Variants in CTNNA2 observed in about 807,000 individuals in gnomAD.
CTNNA2 encodes catenin alpha 2.
Under a neutral mutation model 101.0 loss-of-function variants are expected in CTNNA2, and 42 were observed. The observed-to-expected ratio is 0.42, with a 90% CI of 0.32 to 0.54. The LOEUF is 0.54. Among genes scored for constraint, CTNNA2 ranks in the 20% least tolerant of loss-of-function variants. The pLI is 0.14. For synonymous variants in CTNNA2, 450 were observed against 456.4 expected, an observed-to-expected ratio of 0.99 and a Z score of 0.18; for missense variants, 871 against 1,223.1, an observed-to-expected ratio of 0.71 and a Z score of 4.29.
intron 3 of CTNNA2, among the ~76,000 whole-genome samples, chr2:79,315,577 T>A (rs1417198734): frequency 6.6e-6 from 1 of 152,166 alleles, no homozygotes; most frequent in Non-Finnish European, 1.5e-5. Context: ...ATATCCATAT[T>A]TCATTCATTT....
chr2:80,122,741 G>A (rs946219166), intron 7 of CTNNA2, among the ~76,000 whole-genome samples: 1 of 152,088 alleles, frequency 6.6e-6, no homozygotes, highest in Non-Finnish European at 1.5e-5. Context: ...CTATGCAAAA[G>A]TGTGTGTGTG....
At chr2:79,468,973 G>C (rs436008) in intron 4 of CTNNA2, among the ~76,000 whole-genome samples, 1 of 151,548 alleles carries the variant, frequency 6.6e-6, no homozygotes, top group Admixed American at 6.6e-5. Flanking sequence ...GAAAGAACTA[G>C]AGAAGCAAGA....
At chr2:80,591,455 C>CTTTTTTTTTT (rs1553401282) in intron 15 of CTNNA2, among the ~76,000 whole-genome samples, 3 of 57,574 alleles carry the variant, frequency 5.2e-5, no homozygotes, top group African/African-American at 1.2e-4. Flanking sequence ...TCTGCACAGC[C>CTTTTTTTTTT]TGTTTTTTTT....
chr2:79,346,515 A>G (rs532471141), intron 3 of CTNNA2, among the ~76,000 whole-genome samples: 37 of 152,300 alleles, frequency 2.4e-4, no homozygotes, highest in African/African-American at 8.4e-4. Context: ...GTCAATAACT[A>G]GACACTATGG....
chr2:79,754,733 G>A (rs544036114), intron 3 of CTNNA2, among the ~76,000 whole-genome samples: 147 of 152,194 alleles, frequency 9.7e-4, no homozygotes, highest in African/African-American at 3.4e-3. Flanking sequence ...TGTGCTGTGC[G>A]CTGACTCTTC....
intron 2 of CTNNA2, among the ~76,000 whole-genome samples, chr2:79,704,235 T>TA (rs1368652155): frequency 1.3e-5 from 2 of 152,202 alleles, no homozygotes; most frequent in African/African-American, 4.8e-5. Flanking sequence ...GTTTATTGCC[T>TA]AGTGAATCTT....
intron 3 of CTNNA2, among the ~76,000 whole-genome samples, chr2:79,819,951 C>G (rs1364288627): frequency 6.6e-6 from 1 of 151,764 alleles, no homozygotes; most frequent in Non-Finnish European, 1.5e-5. Context: ...AATAAAATGA[C>G]AATGAAAACA....
chr2:79,500,524 G>T (rs1671307698), intron 4 of CTNNA2: 1 of 152,298 alleles, frequency 6.6e-6, no homozygotes, highest in East Asian at 1.9e-4. Flanking sequence ...AAAATTGAAA[G>T]ATTTTTCTAA....
intron 7 of CTNNA2, among the ~76,000 whole-genome samples, chr2:80,342,212 A>T (rs1672309447): frequency 6.6e-6 from 1 of 152,204 alleles, no homozygotes; most frequent in Admixed American, 6.5e-5. Context: ...CACAACTCTG[A>T]ACTCATTAAA....
intron 3 of CTNNA2, among the ~76,000 whole-genome samples, chr2:79,835,979 A>G (rs1006687360): frequency 6.6e-6 from 1 of 151,826 alleles, no homozygotes; most frequent in Non-Finnish European, 1.5e-5. Flanking sequence ...TGCACACCTC[A>G]GTTTTCACTG....
At chr2:80,589,666 T>G (rs1696265239) in intron 15 of CTNNA2, among the ~76,000 whole-genome samples, 181 bp downstream of exon 15, 1 of 152,212 alleles carries the variant, frequency 6.6e-6, no homozygotes, top group South Asian at 2.1e-4. Flanking sequence ...TAGGTATATC[T>G]TTTTGGTCAA....
chr2:79,559,409 T>C (rs1207702211), intron 1 of CTNNA2, among the ~76,000 whole-genome samples: 4 of 151,950 alleles, frequency 2.6e-5, no homozygotes, highest in Admixed American at 6.6e-5. Context: ...TTTTGCCATG[T>C]CTGAGAACCA....
chr2:79,560,081 G>A (rs1431620089), intron 1 of CTNNA2, among the ~76,000 whole-genome samples: 2 of 122,876 alleles, frequency 1.6e-5, no homozygotes, highest in South Asian at 3.2e-4. Flanking sequence ...GGGAAGAAAC[G>A]TCAGCTACAT....
intron 2 of CTNNA2, among the ~76,000 whole-genome samples, chr2:79,249,065 C>T (rs967726191): frequency 1.3e-5 from 2 of 152,146 alleles, no homozygotes; most frequent in African/African-American, 4.8e-5. Flanking sequence ...AGTCCCATCT[C>T]TTCTAATTAG....
At chr2:80,425,726 T>A (rs1680932544) in intron 9 of CTNNA2, among the ~76,000 whole-genome samples, 1 of 152,304 alleles carries the variant, frequency 6.6e-6, no homozygotes, top group African/African-American at 2.4e-5. Context: ...TCCCTTGTAT[T>A]TGTGTGCCAT....
At chr2:80,063,176 T>C (rs1697729928) in intron 7 of CTNNA2, among the ~76,000 whole-genome samples, 1 of 152,218 alleles carries the variant, frequency 6.6e-6, no homozygotes. Flanking sequence ...CTGTGAAATC[T>C]TCTCCTCTTC....
At chr2:79,972,315 G>T (rs1486717323) in intron 7 of CTNNA2, among the ~76,000 whole-genome samples, 1 of 152,170 alleles carries the variant, frequency 6.6e-6, no homozygotes, top group Non-Finnish European at 1.5e-5. Flanking sequence ...AATAGTACCT[G>T]ATACCCCAGA....
At chr2:79,821,437 G>A (rs1467285584) in intron 3 of CTNNA2, among the ~76,000 whole-genome samples, 1 of 152,076 alleles carries the variant, frequency 6.6e-6, no homozygotes, top group Admixed American at 6.6e-5. Flanking sequence ...TTGAACTTCT[G>A]GCCTCAAGCA....
chr2:79,840,144 C>T (rs1679692080), intron 3 of CTNNA2, among the ~76,000 whole-genome samples: 1 of 152,186 alleles, frequency 6.6e-6, no homozygotes, highest in African/African-American at 2.4e-5. Flanking sequence ...TGAATGAAAC[C>T]ATGCAATTTT....
Sources: gnomAD v4.1 joint callset for allele counts (sites outside exome capture counted in the v4.1 genomes callset) on GRCh38, gnomAD v4.1.1 for gene constraint, MANE v1.5 for transcripts, NCBI Gene and HGNC (gene_info 2026-07-23, HGNC 2026-07-21) for gene names.